The following TRPM5 variants were observed in gnomAD, a reference collection of about 807,000 sequenced individuals.
TRPM5 encodes the protein transient receptor potential cation channel subfamily M member 5, also known as MLSN1 and TRP-related.
TRPM5 carries 121 observed loss-of-function variants against 124.9 expected under a neutral mutation model. The observed-to-expected ratio is 0.97, with a 90% confidence interval of 0.84 to 1.13. TRPM5 has a LOEUF of 1.13. Among genes scored for constraint, TRPM5 ranks in the 50% most tolerant of loss-of-function variants. The pLI, the probability that TRPM5 is intolerant of heterozygous loss-of-function variation, is 0.00. For missense variants in TRPM5, 1,643 were observed against 1,589.1 expected, an observed-to-expected ratio of 1.03 and a Z score of -0.58; for synonymous variants, 781 against 700.5, an observed-to-expected ratio of 1.11 and a Z score of -1.81.
the TRPM5 span, among the ~76,000 whole-genome samples, chr11:2,442,159 G>A: frequency 3.9e-5 from 6 of 152,092 alleles, no homozygotes; most frequent in Admixed American, 3.9e-4. This position sits in a 1 kb window ranked among gnomAD's most constrained non-coding sequence, Gnocchi z 5.9. Context: ...GACTCTTTCT[G>A]ATGCTCAAAT....
chr11:2,439,891 A>G, the TRPM5 span, among the ~76,000 whole-genome samples: 1 of 152,240 alleles, frequency 6.6e-6, no homozygotes, highest in African/African-American at 2.4e-5. Flanking sequence ...TGTTCATCGC[A>G]GCACTATTCA....
chr11:2,423,229 C>T (rs1236275328), upstream of TRPM5, among the ~76,000 whole-genome samples: 1 of 152,162 alleles, frequency 6.6e-6, no homozygotes, highest in South Asian at 2.1e-4. Context: ...AGGCCCTGCC[C>T]AGCGACCCCC....
At chr11:2,441,024 C>T in the TRPM5 span, among the ~76,000 whole-genome samples, 311 of 152,334 alleles carry the variant, frequency 2.0e-3, 2 homozygotes, top group African/African-American at 7.3e-3. This position sits in a 1 kb window ranked among gnomAD's most constrained non-coding sequence, Gnocchi z 7.2. Context: ...CGGCAAACAG[C>T]CCTGGAAGGT....
chr11:2,433,902 G>C, the TRPM5 span, among the ~76,000 whole-genome samples: 9 of 152,028 alleles, frequency 5.9e-5, no homozygotes, highest in Non-Finnish European at 1.3e-4. Flanking sequence ...CTGTATATGA[G>C]TGTATGTAGA....
chr11:2,412,366 C>A, intron 15 of TRPM5, 113 bp from the exon 21 acceptor site: 1 of 552,738 alleles, frequency 1.8e-6, no homozygotes, highest in Non-Finnish European at 2.8e-6. Flanking sequence ...ATGACCAGGG[C>A]CGAGGCTACC....
intron 23 of TRPM5, 101 bp from the exon 29 acceptor site, chr11:2,405,144 C>T: frequency 2.0e-6 from 2 of 977,038 alleles, no homozygotes; most frequent in Non-Finnish European, 3.1e-6. Flanking sequence ...GACGCCGTGG[C>T]TCTCAGAGTG....
intron 3 of TRPM5, 137 bp from the exon 9 acceptor site, chr11:2,420,542 C>T (rs771497756): frequency 5.6e-6 from 5 of 887,082 alleles, no homozygotes; most frequent in Non-Finnish European, 8.3e-6. Flanking sequence ...CCTTGGTTTC[C>T]CCACCCTTCA....
At chr11:2,421,084 C>T (rs868645318) in exon 3 of TRPM5, 2 of 1,549,360 alleles carry the variant, frequency 1.3e-6, no homozygotes, top group Middle Eastern at 1.8e-4. Context: ...CGAGGCCATG[C>T]CGACAGCAAC....
At chr11:2,407,060 C>G (rs1047475670) in intron 20 of TRPM5, 59 bp downstream of exon 25, 1 of 1,473,274 alleles carries the variant, frequency 6.8e-7, no homozygotes, top group East Asian at 2.5e-5. Flanking sequence ...CGCACAGCCC[C>G]GCCCTGGGAC....
rs186458354 is a variant in TRPM5, at chr11:2,421,058, G to A, written c.439C>T (p.His147Tyr). ...TGGGCCTCCTCCAGAATGCGGCGGT[G>A]CAGGACGCGGCCCAGCGAGGCCATG... Residue 147 changes from histidine (H) to tyrosine (Y), a missense_variant, in exon 3 of 24, where the codon CAC becomes TAC. Physicochemically the swap from His to Tyr is moderately conservative, Grantham distance 83 (BLOSUM62 2). Coordinates refer to ENST00000155858, the Ensembl canonical transcript of TRPM5. 212 of 1,547,714 alleles carry A rather than the reference G, an allele frequency of 1.4e-4. No homozygotes were observed. The highest frequency in any genetic ancestry group is 1.1e-3 in the Middle Eastern group (6 of 5,406).
chr11:2,407,614 G>T (rs1277640799), intron 19 of TRPM5, 145 bp downstream of exon 24: 9 of 1,110,350 alleles, frequency 8.1e-6, no homozygotes, highest in Non-Finnish European at 1.2e-5. Context: ...TGCAGTCCAG[G>T]CTATGCCACC....
intron 1 of TRPM5, 26 bp from the exon 7 acceptor site, chr11:2,422,347 G>A: frequency 6.3e-7 from 1 of 1,592,922 alleles, no homozygotes; most frequent in Non-Finnish European, 8.6e-7. Flanking sequence ...GCAGCTCAGG[G>A]CTTTCGGGGC....
At position 2,412,256 on chromosome 11, in the gene TRPM5, G is replaced by T; in HGVS notation, c.2356-3C>A. The stretch of plus-strand genomic sequence containing the variant: ...GTGTCCTCGTCTGTGAAGAAGCCCT[G>T]GGAGGGAGGTGGGCAGTCCACTGAC... On this transcript the variant is annotated splice_polypyrimidine_tract_variant and splice_region_variant and intron_variant, in intron 15 of 23. Transcript: ENST00000155858. The T allele has an allele frequency of 6.2e-7, 1 of 1,611,242 alleles. No homozygotes were observed. The highest frequency in any genetic ancestry group is 2.2e-5 in the East Asian group (1 of 44,880).
chr11:2,404,613 C>A (rs558235069), exon 24 of TRPM5: 245 of 324,836 alleles, frequency 7.5e-4, no homozygotes, highest in Middle Eastern at 3.4e-3. Context: ...GGGTGCTCCC[C>A]CGTCACGCCA....
At chr11:2,423,680 C>T (rs1845804020), upstream of TRPM5, among the ~76,000 whole-genome samples, 1 of 152,214 alleles carries the variant, frequency 6.6e-6, no homozygotes, top group Admixed American at 6.5e-5. Context: ...GTGGCGCTCC[C>T]ACATCAGCAA....
At chr11:2,430,824 TTGA>T in the TRPM5 span, among the ~76,000 whole-genome samples, 868 of 130,760 alleles carry the variant, frequency 6.6e-3, 3 homozygotes, top group Non-Finnish European at 0.011. Context: ...GGTGATGGTG[TTGA>T]TGGTGGTGGT....
the TRPM5 span, among the ~76,000 whole-genome samples, chr11:2,434,857 T>C: frequency 1.7e-3 from 253 of 152,300 alleles, 1 homozygote; most frequent in African/African-American, 5.8e-3. Context: ...TCTGAGGTTC[T>C]GGAAATGACA....
chr11:2,411,587 G>C, intron 17 of TRPM5, 48 bp downstream of exon 22: 1 of 1,610,028 alleles, frequency 6.2e-7, no homozygotes. Context: ...GCCCAGGCAG[G>C]GGATTGCTGT....
At chr11:2,415,813 C>T in intron 8 of TRPM5, 93 bp downstream of exon 13, 1 of 967,890 alleles carries the variant, frequency 1.0e-6, no homozygotes, top group Non-Finnish European at 1.6e-6. Context: ...AGAACGGGCT[C>T]AGCCAAGCAG....
Sources: allele counts gnomAD v4.1 joint callset (sites outside exome capture counted in the v4.1 genomes callset), GRCh38; gene constraint gnomAD v4.1.1; non-coding constraint Gnocchi (gnomAD v3.1); transcripts MANE v1.5; gene names NCBI Gene and HGNC (gene_info 2026-07-23, HGNC 2026-07-21).